SLC25A21: variants seen among roughly 807,000 people sequenced by gnomAD.
SLC25A21 encodes the protein mitochondrial 2-oxodicarboxylate carrier.
A neutral mutation model predicts 43.8 loss-of-function variants in SLC25A21; 47 were observed. That is an observed-to-expected ratio of 1.07 (90% CI 0.85 to 1.37). The LOEUF is 1.37. SLC25A21 is among the 40% of genes most tolerant of loss of function. SLC25A21 has a pLI of 0.00. For missense variants in SLC25A21, 352 were observed against 350.2 expected (o/e 1.00, Z -0.04); for synonymous variants, 131 against 121.3 (o/e 1.08, Z -0.52).
intron 1 of SLC25A21, among the ~76,000 whole-genome samples, chr14:37,097,656 G>A (rs1261037680): frequency 1.3e-5 from 2 of 152,114 alleles, no homozygotes; most frequent in South Asian, 2.1e-4. Flanking sequence ...GTCAAGGCAG[G>A]TGGATCGCCT....
At chr14:36,776,548 G>A (rs1045243439) in intron 3 of SLC25A21, among the ~76,000 whole-genome samples, 15 of 151,816 alleles carry the variant, frequency 9.9e-5, no homozygotes, top group African/African-American at 3.4e-4. Flanking sequence ...GGCCCCAACT[G>A]CTTTCTTTGT....
chr14:36,892,864 C>T (rs1891116552), intron 1 of SLC25A21, among the ~76,000 whole-genome samples: 1 of 152,156 alleles, frequency 6.6e-6, no homozygotes, highest in African/African-American at 2.4e-5. Context: ...CATGTCCCTA[C>T]AAAGGACATG....
At chr14:37,095,248 T>A (rs1245849817) in intron 1 of SLC25A21, among the ~76,000 whole-genome samples, 1 of 152,188 alleles carries the variant, frequency 6.6e-6, no homozygotes, top group African/African-American at 2.4e-5. Context: ...CCAGGCGTGG[T>A]GGCACATGCC....
intron 2 of SLC25A21, among the ~76,000 whole-genome samples, chr14:36,861,281 C>T (rs912386786): frequency 4.6e-5 from 7 of 152,194 alleles, no homozygotes; most frequent in African/African-American, 1.7e-4. Flanking sequence ...TGATTTTACT[C>T]TTGATTCACA....
At chr14:36,714,366 T>G (rs1884028137) in intron 6 of SLC25A21, among the ~76,000 whole-genome samples, 1 of 152,218 alleles carries the variant, frequency 6.6e-6, no homozygotes, top group Admixed American at 6.5e-5. Flanking sequence ...ATAACAGGTC[T>G]GCTTCCTCTG....
chr14:37,134,615 A>G (rs1162133283), intron 1 of SLC25A21, among the ~76,000 whole-genome samples: 1 of 149,684 alleles, frequency 6.7e-6, no homozygotes, highest in Non-Finnish European at 1.5e-5. Flanking sequence ...ACTGCACTCT[A>G]GCCGCCTGGG....
At chr14:36,857,491 T>C (rs1433684884) in intron 2 of SLC25A21, among the ~76,000 whole-genome samples, 3 of 152,202 alleles carry the variant, frequency 2.0e-5, no homozygotes, top group Non-Finnish European at 4.4e-5. Flanking sequence ...CTTGCCCCCT[T>C]TCCACAAAAC....
At position 36,977,960 on chromosome 14, in the gene SLC25A21, A is replaced by ATTTTT. The variant is rs1236911169; in HGVS notation, c.71-102957_71-102956insAAAAA. On this transcript the variant is annotated intron_variant, in intron 1 of 9. Transcript: ENST00000331299. ...CAAAGCTTTTTTTTTTTTTTAAAAA[A>ATTTTT]AAAAAAAGACAATTAGTTTGAACTT... Among the ~76,000 whole-genome samples the ATTTTT allele has an allele frequency of 8.8e-5, 13 of 146,936 alleles. No individual in the cohort carries two copies. The East Asian group carries it at 2.6e-3, about 29-fold the overall frequency.
chr14:36,926,583 G>C (rs1892138924), intron 1 of SLC25A21, among the ~76,000 whole-genome samples: 1 of 152,088 alleles, frequency 6.6e-6, no homozygotes, highest in African/African-American at 2.4e-5. Flanking sequence ...AAAGAAAGCA[G>C]AGAGGACAAC....
chr14:36,927,815 A>G (rs919598523), intron 1 of SLC25A21, among the ~76,000 whole-genome samples: 1 of 152,216 alleles, frequency 6.6e-6, no homozygotes, highest in South Asian at 2.1e-4. Flanking sequence ...AAATAAGAAT[A>G]ATGAAATATC....
intron 1 of SLC25A21, among the ~76,000 whole-genome samples, chr14:36,891,564 C>T (rs140573554): frequency 4.9e-4 from 74 of 152,268 alleles, no homozygotes; most frequent in African/African-American, 1.7e-3. Flanking sequence ...CAACATGCAA[C>T]ACAATGGCAG....
intron 1 of SLC25A21, among the ~76,000 whole-genome samples, chr14:37,044,996 T>C (rs1290423338): frequency 1.3e-5 from 2 of 152,356 alleles, no homozygotes; most frequent in Admixed American, 1.3e-4. Flanking sequence ...AAAAACATTT[T>C]CTTTTGGAGA....
chr14:36,791,764 A>G (rs759278923), intron 3 of SLC25A21, among the ~76,000 whole-genome samples: 90 of 152,146 alleles, frequency 5.9e-4, no homozygotes, highest in Admixed American at 1.7e-3. Flanking sequence ...TTGCTCTCCA[A>G]CAAAAATCAG....
intron 1 of SLC25A21, among the ~76,000 whole-genome samples, chr14:37,142,567 T>C (rs1963588805): frequency 1.3e-5 from 2 of 152,090 alleles, no homozygotes; most frequent in African/African-American, 4.8e-5. Flanking sequence ...CTCACTATGT[T>C]ACCAGGCTGA....
At chr14:37,091,233 G>C (rs1363239221) in intron 1 of SLC25A21, among the ~76,000 whole-genome samples, 1 of 152,110 alleles carries the variant, frequency 6.6e-6, no homozygotes, top group Non-Finnish European at 1.5e-5. Context: ...AGGACATCCA[G>C]ACCAGCCTGG....
intron 2 of SLC25A21, among the ~76,000 whole-genome samples, chr14:36,868,053 C>T: frequency 6.6e-6 from 1 of 151,860 alleles, no homozygotes; most frequent in East Asian, 1.9e-4. Context: ...CCAAATGAGA[C>T]AAGCTCCCCC....
intron 1 of SLC25A21, among the ~76,000 whole-genome samples, chr14:36,968,490 GA>G (rs1250847132): frequency 6.6e-6 from 1 of 152,200 alleles, no homozygotes; most frequent in African/African-American, 2.4e-5. Context: ...CATGGAACAG[GA>G]AGTCTTTTCT....
chr14:37,126,973 G>A (rs1404592535), intron 1 of SLC25A21, among the ~76,000 whole-genome samples: 1 of 152,098 alleles, frequency 6.6e-6, no homozygotes. Flanking sequence ...AAATAGCCAG[G>A]ATCTACTTGA....
At chr14:37,158,970 C>T (rs1401132861) in intron 1 of SLC25A21, among the ~76,000 whole-genome samples, 4 of 151,910 alleles carry the variant, frequency 2.6e-5, no homozygotes, top group Non-Finnish European at 5.9e-5. Context: ...ATCAAGAAGG[C>T]AATCCCATTT....
Sources: gnomAD v4.1 joint callset for allele counts (sites outside exome capture counted in the v4.1 genomes callset) on GRCh38, gnomAD v4.1.1 for gene constraint, MANE v1.5 for transcripts, NCBI Gene and HGNC (gene_info 2026-07-23, HGNC 2026-07-21) for gene names.